RGS6: variants seen among roughly 807,000 people sequenced by gnomAD.
The protein encoded by RGS6 is regulator of G-protein signaling 6.
In RGS6, 30 loss-of-function variants were observed where a neutral mutation model predicts 78.5. That is an observed-to-expected ratio of 0.38 (90% confidence interval 0.29 to 0.52). The LOEUF (loss-of-function observed/expected upper bound fraction) is 0.52, where lower values mean the gene tolerates loss of function less well. Among genes scored for constraint, RGS6 ranks in the 20% least tolerant of loss-of-function variants. The pLI, the probability that RGS6 is intolerant of heterozygous loss-of-function variation, is 0.85. For synonymous variants in RGS6, 206 were observed against 206.0 expected, an observed-to-expected ratio of 1.00 and a Z score of 0.00; for missense variants, 495 against 609.7, an observed-to-expected ratio of 0.81 and a Z score of 1.98.
intron 3 of RGS6, among the ~76,000 whole-genome samples, chr14:72,383,211 T>TATATATATAC (rs1555364544): frequency 4.7e-5 from 6 of 126,518 alleles, no homozygotes; most frequent in Non-Finnish European, 8.0e-5. Context: ...TATATATATA[T>TATATATATAC]ATACACACAA....
chr14:72,530,925 C>A (rs930722107), intron 15 of RGS6, among the ~76,000 whole-genome samples: 1 of 152,194 alleles, frequency 6.6e-6, no homozygotes, highest in Non-Finnish European at 1.5e-5. Context: ...TTCCAACCGG[C>A]ATTTCAGTGA....
intron 2 of RGS6, among the ~76,000 whole-genome samples, chr14:72,264,698 T>A (rs2058739168): frequency 6.6e-6 from 1 of 152,212 alleles, no homozygotes; most frequent in Admixed American, 6.5e-5. Flanking sequence ...AATAAGTTTG[T>A]TTACCACTTA....
intron 2 of RGS6, among the ~76,000 whole-genome samples, chr14:72,241,173 A>C (rs1258722550): frequency 6.7e-6 from 1 of 149,212 alleles, no homozygotes; most frequent in Non-Finnish European, 1.5e-5. Context: ...AAAAAAAAAC[A>C]AAACTTATGC....
chr14:72,540,344 G>T (rs1466679673), intron 17 of RGS6: 1 of 1,458,602 alleles, frequency 6.9e-7, no homozygotes, highest in Non-Finnish European at 9.0e-7. Context: ...CCTCAGGCCT[G>T]GGCATTTGAT....
intron 3 of RGS6, among the ~76,000 whole-genome samples, chr14:72,430,735 A>G (rs2094596646): frequency 1.3e-5 from 2 of 152,100 alleles, no homozygotes; most frequent in South Asian, 2.1e-4. Context: ...GGGCATGAGT[A>G]GACAGATCCT....
At chr14:72,158,089 A>G (rs1423708948) in intron 2 of RGS6, among the ~76,000 whole-genome samples, 1 of 152,188 alleles carries the variant, frequency 6.6e-6, no homozygotes, top group African/African-American at 2.4e-5. Context: ...GAGAGTTGCC[A>G]TAAAAAAATA....
chr14:71,929,273 T>C (rs1258094759), upstream of RGS6, among the ~76,000 whole-genome samples: 3 of 152,262 alleles, frequency 2.0e-5, no homozygotes, highest in African/African-American at 7.2e-5. Context: ...CTGCATTTAG[T>C]TGTCTCATCT....
intron 2 of RGS6, among the ~76,000 whole-genome samples, chr14:72,102,579 A>G (rs530262685): frequency 6.6e-6 from 1 of 152,278 alleles, no homozygotes; most frequent in African/African-American, 2.4e-5. Flanking sequence ...CTGAAACTCA[A>G]GGGCATGTAG....
chr14:72,332,793 C>A (rs751559090), intron 2 of RGS6, among the ~76,000 whole-genome samples: 1 of 152,164 alleles, frequency 6.6e-6, no homozygotes, highest in Non-Finnish European at 1.5e-5. Flanking sequence ...AAGCCTTCCT[C>A]GGGGAAAACA....
chr14:72,087,972 C>A (rs977553550), intron 2 of RGS6, among the ~76,000 whole-genome samples: 2 of 152,122 alleles, frequency 1.3e-5, no homozygotes, highest in African/African-American at 4.8e-5. Context: ...ACAGATCTCT[C>A]CCTTCTCATG....
At chr14:72,227,877 G>A (rs1393566969) in intron 2 of RGS6, among the ~76,000 whole-genome samples, 1 of 152,100 alleles carries the variant, frequency 6.6e-6, no homozygotes, top group Non-Finnish European at 1.5e-5. Context: ...ATACTTGACT[G>A]GGGAGGGGGG....
intron 2 of RGS6, among the ~76,000 whole-genome samples, chr14:72,093,693 A>G (rs2095336371): frequency 6.6e-6 from 1 of 151,984 alleles, no homozygotes; most frequent in African/African-American, 2.4e-5. Flanking sequence ...TCTCTTGTTG[A>G]TGGATATCTA....
chr14:72,315,077 G>A (rs1276107411), intron 2 of RGS6, among the ~76,000 whole-genome samples: 8 of 152,172 alleles, frequency 5.3e-5, no homozygotes, highest in Non-Finnish European at 1.0e-4. Flanking sequence ...TATGAAGATC[G>A]TATTTGGATG....
intron 2 of RGS6, among the ~76,000 whole-genome samples, chr14:72,203,715 A>G (rs987654508): frequency 4.6e-5 from 7 of 152,316 alleles, no homozygotes; most frequent in African/African-American, 1.7e-4. Flanking sequence ...TGGAAGCTAC[A>G]GTGTTTTTGT....
chr14:72,313,004 A>C (rs1270643275), intron 2 of RGS6, among the ~76,000 whole-genome samples: 2 of 152,198 alleles, frequency 1.3e-5, no homozygotes, highest in Admixed American at 6.5e-5. Flanking sequence ...TCTGGCATTA[A>C]CACAGAATGA....
chr14:72,403,128 C>A (rs1444529959), intron 3 of RGS6, among the ~76,000 whole-genome samples: 3 of 152,110 alleles, frequency 2.0e-5, no homozygotes, highest in Admixed American at 6.5e-5. Context: ...AGGAAACCAG[C>A]ATATCAGAGG....
chr14:72,309,166 C>A (rs561477134), intron 2 of RGS6, among the ~76,000 whole-genome samples: 1 of 152,276 alleles, frequency 6.6e-6, no homozygotes, highest in Admixed American at 6.5e-5. Flanking sequence ...CGGAGCTGTT[C>A]TAGGGAAGCC....
intron 2 of RGS6, among the ~76,000 whole-genome samples, chr14:72,136,595 A>G (rs1233879327): frequency 2.6e-5 from 4 of 152,174 alleles, no homozygotes; most frequent in Non-Finnish European, 4.4e-5. Flanking sequence ...CCATGAGAAC[A>G]GTATTGGGGA....
intron 3 of RGS6, among the ~76,000 whole-genome samples, chr14:72,428,161 A>T (rs917603833): frequency 6.6e-6 from 1 of 152,212 alleles, no homozygotes; most frequent in Admixed American, 6.5e-5. Flanking sequence ...AGGACTGATT[A>T]AGGAAAGAAG....
Sources: gnomAD v4.1 joint callset for allele counts (sites outside exome capture counted in the v4.1 genomes callset) on GRCh38, gnomAD v4.1.1 for gene constraint, MANE v1.5 for transcripts, NCBI Gene and HGNC (gene_info 2026-07-23, HGNC 2026-07-21) for gene names.